TP53I11: variants seen among roughly 807,000 people sequenced by gnomAD.
The protein encoded by TP53I11 is tumor protein p53-inducible protein 11.
A neutral mutation model predicts 23.3 loss-of-function variants in TP53I11; 9 were observed. The observed-to-expected ratio is 0.39, with a 90% CI of 0.23 to 0.67. The LOEUF is 0.67. Among genes scored for constraint, TP53I11 ranks in the 30% least tolerant of loss-of-function variants. TP53I11 has a pLI of 0.48. For missense variants in TP53I11, 170 were observed against 255.2 expected, an observed-to-expected ratio of 0.67 and a Z score of 2.27; for synonymous variants, 100 against 106.1, an observed-to-expected ratio of 0.94 and a Z score of 0.35.
chr11:44,943,700 G>A (rs892608790), intron 1 of TP53I11, among the ~76,000 whole-genome samples: 1 of 152,122 alleles, frequency 6.6e-6, no homozygotes, highest in East Asian at 1.9e-4. Context: ...GGACTCTCAC[G>A]GGTCTCAGTG....
intron 1 of TP53I11, among the ~76,000 whole-genome samples, chr11:44,942,456 ACACACATACACAC>A (rs1376369309): frequency 2.7e-5 from 4 of 146,238 alleles, no homozygotes; most frequent in Non-Finnish European, 6.0e-5. Flanking sequence ...ACACACACAC[ACACACATACACAC>A]ACAGAGCATT....
chr11:44,937,748 G>A (rs1480769740), intron 2 of TP53I11, 135 bp from the exon 3 acceptor site: 1 of 856,500 alleles, frequency 1.2e-6, no homozygotes, highest in African/African-American at 1.7e-5. Context: ...CCCCCAGGTG[G>A]GGAGGGTCAC....
chr11:44,937,393 G>A, intron 3 of TP53I11, 41 bp from the exon 4 acceptor site: 2 of 1,476,632 alleles, frequency 1.4e-6, no homozygotes, highest in Non-Finnish European at 1.8e-6. Flanking sequence ...TGCCCCAGGG[G>A]ACCCTCCCCT....
intron 4 of TP53I11, 164 bp downstream of exon 4, chr11:44,937,140 C>A (rs1172750625): frequency 2.3e-6 from 2 of 888,756 alleles, no homozygotes; most frequent in East Asian, 5.3e-5. Context: ...GGAGAAGGCA[C>A]AGGCGTGGCA....
At chr11:44,946,045 GC>G (rs1290434302) in intron 1 of TP53I11, among the ~76,000 whole-genome samples, 1 of 152,186 alleles carries the variant, frequency 6.6e-6, no homozygotes, top group Non-Finnish European at 1.5e-5. Context: ...GCACTACTAG[GC>G]TCGTGCCTTT....
chr11:44,937,324 A>G lies in TP53I11; in HGVS notation c.217T>C (p.Phe73Leu). ...CTCACCATGATGGCAATGCCGGAGA[A>G]GAGCACAGCAGAGACGAACTGCCAG... Reference protein sequence around the residue: ...RVWQFVSAVLFSGIAIMALAF... With the variant: ...RVWQFVSAVLLSGIAIMALAF... Residue 73 changes from phenylalanine to leucine, a missense_variant, in exon 4 of 7, where the codon TTC (phenylalanine) becomes CTC (leucine). Phe to Leu is a conservative substitution (Grantham distance 22). Coordinates refer to ENST00000525680, the MANE Select transcript of TP53I11 (RefSeq NM_006034.5). 1 of 1,493,482 alleles carries G rather than the reference A, an allele frequency of 6.7e-7. No homozygotes were observed. Among genetic ancestry groups the G allele is most frequent in the South Asian group, 1.4e-5 (1 of 74,036 alleles). 92.5% of individuals were successfully genotyped at this position (1,493,482 alleles called of 1,614,324 possible).
chr11:44,942,429 TACACACACACACAC>T (rs56662172), intron 1 of TP53I11, among the ~76,000 whole-genome samples: 9 of 146,168 alleles, frequency 6.2e-5, no homozygotes, highest in Non-Finnish European at 7.5e-5. Flanking sequence ...ACACACACCA[TACACACACACACAC>T]ACACACACAC....
chr11:44,949,026 C>T (rs940985844), intron 1 of TP53I11, among the ~76,000 whole-genome samples: 2 of 152,182 alleles, frequency 1.3e-5, no homozygotes, highest in African/African-American at 4.8e-5. Flanking sequence ...AGGAAGTTGA[C>T]GACATGTGAC....
intron 4 of TP53I11, 177 bp downstream of exon 4, chr11:44,937,127 C>T (rs534202937): frequency 4.7e-6 from 4 of 847,282 alleles, no homozygotes; most frequent in African/African-American, 3.5e-5. Context: ...CTAGTGTGCT[C>T]CTGGAGAAGG....
At position 44,936,556 on chromosome 11, in the gene TP53I11, C is replaced by T; in HGVS notation, c.334+247G>A. The stretch of plus-strand genomic sequence containing the variant: ...CCACAACGCCCAGAGGCAGTGCACA[C>T]ACTTATGAGCGCTCCTTGCAGATGG... On this transcript the variant is annotated intron_variant, in intron 5 of 6. Coordinates refer to ENST00000525680, the MANE Select transcript of TP53I11 (RefSeq NM_006034.5). The surrounding 1 kb of genome is among the most constrained non-coding windows in gnomAD (Gnocchi z 4.4). 1 of 1,288,962 alleles carries T rather than the reference C, an allele frequency of 7.8e-7. No individual in the cohort carries two copies. The highest frequency in any genetic ancestry group is 9.8e-7 in the Non-Finnish European group (1 of 1,018,578). 79.8% of individuals were successfully genotyped at this position (1,288,962 alleles called of 1,614,324 possible).
chr11:44,937,209 A>G, intron 4 of TP53I11, 95 bp downstream of exon 4: 1 of 1,475,680 alleles, frequency 6.8e-7, no homozygotes, highest in Non-Finnish European at 9.3e-7. Flanking sequence ...CCCCTGCACG[A>G]GGGGCCAGGA....
intron 1 of TP53I11, among the ~76,000 whole-genome samples, chr11:44,949,801 T>G (rs1289149168): frequency 6.6e-6 from 1 of 152,134 alleles, no homozygotes; most frequent in East Asian, 1.9e-4. Flanking sequence ...TCGCGCGACT[T>G]TGGGGAGAGT....
intron 4 of TP53I11, 135 bp downstream of exon 4, chr11:44,937,169 C>T (rs1043855605): frequency 7.8e-6 from 9 of 1,154,872 alleles, no homozygotes; most frequent in East Asian, 2.6e-5. Context: ...GTCAGGTTCT[C>T]GGAGGCAGCC....
intron 1 of TP53I11, among the ~76,000 whole-genome samples, chr11:44,943,776 A>T (rs1363052244): frequency 1.3e-5 from 2 of 152,012 alleles, no homozygotes; most frequent in Non-Finnish European, 2.9e-5. Context: ...ACTCCCCAAG[A>T]CCAACCAGTC....
intron 1 of TP53I11, among the ~76,000 whole-genome samples, chr11:44,945,967 A>G (rs1313439118): frequency 6.6e-6 from 1 of 152,158 alleles, no homozygotes; most frequent in Non-Finnish European, 1.5e-5. Flanking sequence ...CAGGCAGTGA[A>G]TCCACTTGTC....
chr11:44,933,607 G>A lies in TP53I11; in HGVS notation c.*1277C>T, dbSNP rs1413481682. The A allele has an allele frequency of 6.4e-6, 1 of 156,034 alleles. No individual in the cohort carries two copies. Among genetic ancestry groups the A allele is most frequent in the South Asian group, 1.7e-4 (1 of 5,814 alleles). 9.7% of individuals were successfully genotyped at this position (156,034 alleles called of 1,614,324 possible). A position where few individuals can be genotyped will look rare whatever the true frequency, so the allele number is the denominator to read the frequency against. On this transcript the variant is annotated 3_prime_UTR_variant, in exon 7 of 7. Transcript: ENST00000525680. ...GCTGGTGGGCCCTCAGGGAGAAGCT[G>A]GGCGGTGGGTATGCAGCACAGGCTG...
chr11:44,937,791 C>T (rs1861324197), intron 2 of TP53I11, among the ~76,000 whole-genome samples, 178 bp from the exon 3 acceptor site: 1 of 152,220 alleles, frequency 6.6e-6, no homozygotes, highest in Admixed American at 6.5e-5. Context: ...TTCCCCTTGA[C>T]ACTAGGATTT....
chr11:44,938,064 T>C, intron 2 of TP53I11, 143 bp downstream of exon 2: 2 of 1,210,272 alleles, frequency 1.7e-6, no homozygotes, highest in South Asian at 3.3e-5. Context: ...GTTATTCCCC[T>C]GGCATTGCTG....
In TP53I11 at chr11:44,936,128, G is replaced by T; in HGVS notation, c.335-466C>A. The T allele has an allele frequency of 1.3e-6, 1 of 779,902 alleles. No individual in the cohort carries two copies. Among genetic ancestry groups the T allele is most frequent in the Non-Finnish European group, 1.6e-6 (1 of 634,776 alleles). The allele number at this position is 779,902 out of a possible 1,614,324, so 48.3% of individuals were successfully genotyped here. On this transcript the variant is annotated intron_variant, in intron 5 of 6. Coordinates refer to ENST00000525680, the MANE Select transcript of TP53I11 (RefSeq NM_006034.5). This position sits in a 1 kb window ranked among gnomAD's most constrained non-coding sequence, Gnocchi z 4.4. ...CTTTAAGGAAGTCCCCTGGGGGAGG[G>T]GGATGAACCATACTTTTTAGCAGAA...
Sources: allele counts gnomAD v4.1 joint callset (sites outside exome capture counted in the v4.1 genomes callset), GRCh38; gene constraint gnomAD v4.1.1; non-coding constraint Gnocchi (gnomAD v3.1); transcripts MANE v1.5; gene names NCBI Gene and HGNC (gene_info 2026-07-23, HGNC 2026-07-21).